Variants in ATP9A observed in about 807,000 individuals in gnomAD.
The protein encoded by ATP9A is ATPase phospholipid transporting 9A, also known as probable phospholipid-transporting ATPase IIA.
Under a neutral mutation model 144.1 loss-of-function variants are expected in ATP9A, and 52 were observed. The ratio of observed to expected loss-of-function variants is 0.36; its 90% CI spans 0.29 to 0.45. The LOEUF (loss-of-function observed/expected upper bound fraction) is 0.45. Among genes scored for constraint, ATP9A ranks in the 20% least tolerant of loss-of-function variants. The pLI is 1.00. For synonymous variants in ATP9A, 582 were observed against 557.4 expected (o/e 1.04, Z -0.62); for missense variants, 947 against 1,392.7 (o/e 0.68, Z 5.09).
At chr20:51,695,280 C>T (rs1438594345) in intron 6 of ATP9A, among the ~76,000 whole-genome samples, 36 of 151,840 alleles carry the variant, frequency 2.4e-4, no homozygotes, top group Non-Finnish European at 2.9e-5. Context: ...GTCAGGAGTT[C>T]GAGACCAGCC....
chr20:51,623,801 A>G (rs6021327), intron 18 of ATP9A, among the ~76,000 whole-genome samples: 21 of 133,420 alleles, frequency 1.6e-4, no homozygotes, highest in East Asian at 1.0e-3. Context: ...AAAAAAAAAA[A>G]AAAGAAAGAA....
chr20:51,622,001 C>A, intron 19 of ATP9A, 73 bp downstream of exon 19: 1 of 1,316,878 alleles, frequency 7.6e-7, no homozygotes, highest in Non-Finnish European at 1.1e-6. Context: ...TTAAGGGGCC[C>A]ACTCAAGGTT....
At chr20:51,714,969 A>G (rs192973825) in intron 3 of ATP9A, among the ~76,000 whole-genome samples, 4 of 152,360 alleles carry the variant, frequency 2.6e-5, no homozygotes, top group Admixed American at 2.6e-4. Context: ...CTTGTAATCA[A>G]TAAAGCCAAA....
chr20:51,743,683 A>C (rs374480840), intron 1 of ATP9A, among the ~76,000 whole-genome samples: 1 of 143,384 alleles, frequency 7.0e-6, no homozygotes, highest in African/African-American at 2.5e-5. Context: ...GATTATAGGC[A>C]TGAGCCACCG....
chr20:51,735,471 CTAAA>C (rs1490833528), intron 1 of ATP9A, among the ~76,000 whole-genome samples: 1 of 152,184 alleles, frequency 6.6e-6, no homozygotes, highest in Non-Finnish European at 1.5e-5. Context: ...GTCTATGGGA[CTAAA>C]TGTTTCTGCA....
chr20:51,639,428 G>A lies in ATP9A; in HGVS notation c.1583C>T (p.Thr528Ile), dbSNP rs1282648844. The A allele has an allele frequency of 6.2e-7, 1 of 1,614,036 alleles. No individual in the cohort carries two copies. Among genetic ancestry groups the A allele is most frequent in the Admixed American group, 1.7e-5 (1 of 60,004 alleles). The change falls in exon 15 of 28, where the codon ACC becomes ATC. Residue 528 changes from threonine (T) to isoleucine (I), a missense_variant. Coordinates refer to ENST00000338821, the MANE Select transcript of ATP9A (RefSeq NM_006045.3). ...GAAGTTCAGGATCTGGTCGCCAGGG[G>A]TCCTCAGCTGCATGGAAGACTGGTC... ...GRDQSSMQLR[T>I]PGDQILNFTI...
At chr20:51,662,710 TA>T (rs1478598639) in intron 13 of ATP9A, among the ~76,000 whole-genome samples, 1 of 152,036 alleles carries the variant, frequency 6.6e-6, no homozygotes, top group African/African-American at 2.4e-5. Context: ...AGAAGGAAGT[TA>T]AATAGTGTTA....
At chr20:51,694,193 C>T in intron 6 of ATP9A, 91 bp from the exon 7 acceptor site, 1 of 947,428 alleles carries the variant, frequency 1.1e-6, no homozygotes, top group Non-Finnish European at 1.6e-6. Context: ...CTTGTAAAAA[C>T]AGCCAACCAA....
chr20:51,614,780 C>A (rs1246651421), intron 22 of ATP9A, among the ~76,000 whole-genome samples: 1 of 152,152 alleles, frequency 6.6e-6, no homozygotes, highest in East Asian at 1.9e-4. Context: ...TGAGACACTA[C>A]AACTGTCCTG....
At chr20:51,704,347 A>G (rs751697364) in intron 4 of ATP9A, among the ~76,000 whole-genome samples, 2 of 151,820 alleles carry the variant, frequency 1.3e-5, no homozygotes, top group Admixed American at 1.3e-4. Context: ...TGGGAATAAC[A>G]GTGCAATTTG....
intron 1 of ATP9A, among the ~76,000 whole-genome samples, chr20:51,763,526 G>A (rs1158063613): frequency 1.3e-5 from 2 of 151,712 alleles, no homozygotes; most frequent in Non-Finnish European, 2.9e-5. Flanking sequence ...TGTTAGCCAG[G>A]ATGGTCTGGA....
intron 4 of ATP9A, among the ~76,000 whole-genome samples, chr20:51,709,572 T>C (rs1296855250): frequency 2.6e-5 from 4 of 151,490 alleles, no homozygotes; most frequent in Admixed American, 2.0e-4. Context: ...AAATAAAAAA[T>C]AGAAATTTAG....
At chr20:51,708,195 T>A (rs1180271759) in intron 4 of ATP9A, among the ~76,000 whole-genome samples, 1 of 151,966 alleles carries the variant, frequency 6.6e-6, no homozygotes, top group South Asian at 2.1e-4. Flanking sequence ...CTCACATCTG[T>A]AATCCCAGCA....
intron 1 of ATP9A, among the ~76,000 whole-genome samples, chr20:51,763,586 TAC>T (rs1396807960): frequency 6.6e-6 from 1 of 152,200 alleles, no homozygotes. Flanking sequence ...GTGCTGGGAT[TAC>T]AGGAATGAGC....
intron 14 of ATP9A, among the ~76,000 whole-genome samples, chr20:51,651,040 G>A (rs959198631): frequency 1.3e-5 from 2 of 149,716 alleles, no homozygotes; most frequent in South Asian, 4.2e-4. Flanking sequence ...GTGCAGTGGT[G>A]CAATCTCGGA....
chr20:51,666,153 G>A (rs1407268687), intron 13 of ATP9A, among the ~76,000 whole-genome samples: 1 of 152,122 alleles, frequency 6.6e-6, no homozygotes, highest in African/African-American at 2.4e-5. Flanking sequence ...AATGTAAAGA[G>A]TCGCTTCCTG....
Position 51,689,242 on chromosome 20 carries a change from C to G in ATP9A, c.724-103G>C, listed in dbSNP as rs531900542. The G allele has an allele frequency of 1.8e-5, 21 of 1,199,456 alleles. No individual in the cohort carries two copies. The East Asian group carries it at 3.9e-4, about 22-fold the overall frequency. The allele number at this position is 1,199,456 out of a possible 1,614,324, so 74.3% of individuals were successfully genotyped here. Reference sequence around the variant, plus strand: ...CTGGAGATAGAAAGACAGGCTCCCCCCGATGAACCTGGAAGCCCAGTTTGG... The same window carrying G: ...CTGGAGATAGAAAGACAGGCTCCCCGCGATGAACCTGGAAGCCCAGTTTGG... On this transcript the variant is annotated intron_variant, in intron 8 of 27. Coordinates refer to ENST00000338821, the MANE Select transcript of ATP9A (RefSeq NM_006045.3).
rs1278226996 is a variant in ATP9A at position 51,689,541 on chromosome 20, A to C, written c.724-402T>G. ...ACCTGTTGACCCATATTCCTAAAAT[A>C]ATTTTTTTTTTTTTGAGATGGAGTC... On this transcript the variant is annotated intron_variant, in intron 8 of 27. Coordinates refer to ENST00000338821, the MANE Select transcript of ATP9A (RefSeq NM_006045.3). Among the ~76,000 whole-genome samples the C allele has an allele frequency of 7.9e-5, 11 of 139,278 alleles. No homozygotes were observed. In the East Asian group the frequency reaches 1.6e-3, roughly 21 times the overall value. 91.4% of individuals were successfully genotyped at this position (139,278 alleles called of 152,430 possible).
intron 15 of ATP9A, among the ~76,000 whole-genome samples, chr20:51,638,096 TA>T (rs2077301990): frequency 1.6e-5 from 1 of 63,840 alleles, no homozygotes; most frequent in Non-Finnish European, 3.3e-5. Context: ...TATATATATA[TA>T]TATATATATA....
Sources: gnomAD v4.1 joint callset for allele counts (sites outside exome capture counted in the v4.1 genomes callset) on GRCh38, gnomAD v4.1.1 for gene constraint, MANE v1.5 for transcripts, NCBI Gene and HGNC (gene_info 2026-07-23, HGNC 2026-07-21) for gene names.